The following CEP112 variants were observed in gnomAD, a reference collection of about 807,000 sequenced individuals.
The protein encoded by CEP112 is centrosomal protein of 112 kDa.
A neutral mutation model predicts 153.0 loss-of-function variants in CEP112; 127 were observed. The observed-to-expected ratio is 0.83, with a 90% CI of 0.72 to 0.96. The LOEUF (loss-of-function observed/expected upper bound fraction) is 0.96. Among genes scored for constraint, CEP112 ranks in the 40% least tolerant of loss-of-function variants. The pLI is 0.00. For synonymous variants in CEP112, 358 were observed against 374.4 expected (o/e 0.96, Z 0.51); for missense variants, 1,089 against 1,101.2 (o/e 0.99, Z 0.16).
intron 24 of CEP112, among the ~76,000 whole-genome samples, chr17:65,677,104 T>C (rs537647631): frequency 5.3e-5 from 8 of 152,290 alleles, no homozygotes; most frequent in Non-Finnish European, 8.8e-5. Flanking sequence ...TTCTTATTAA[T>C]AATAAAAAAC....
At chr17:65,916,989 T>C (rs1430128323) in intron 19 of CEP112, among the ~76,000 whole-genome samples, 1 of 152,154 alleles carries the variant, frequency 6.6e-6, no homozygotes, top group South Asian at 2.1e-4. Flanking sequence ...ACCCTTTCTA[T>C]GACTCTAGGC....
chr17:65,640,154 A>ATATATTTTT (rs1300751452), intron 25 of CEP112, among the ~76,000 whole-genome samples: 5 of 78,348 alleles, frequency 6.4e-5, no homozygotes, highest in African/African-American at 3.5e-4. Context: ...ATATATATAT[A>ATATATTTTT]TTTTTTTTTT....
At chr17:65,965,896 T>C (rs1190374204) in intron 17 of CEP112, among the ~76,000 whole-genome samples, 1 of 152,172 alleles carries the variant, frequency 6.6e-6, no homozygotes, top group East Asian at 1.9e-4. Context: ...CCATTTTAAT[T>C]TCTACATGGT....
At chr17:65,958,216 C>G (rs1381444921) in intron 18 of CEP112, among the ~76,000 whole-genome samples, 2 of 152,010 alleles carry the variant, frequency 1.3e-5, no homozygotes. Context: ...CAAATTTTTT[C>G]CAGAAAAATG....
intron 8 of CEP112, among the ~76,000 whole-genome samples, chr17:66,093,870 A>G (rs1392556188): frequency 1.3e-5 from 2 of 152,102 alleles, no homozygotes; most frequent in African/African-American, 4.8e-5. Context: ...TATCCAAGGC[A>G]ATTTTGAGCA....
rs181359962 is a variant in CEP112, at chr17:65,761,859, A to G, written c.2395-11135T>C. Among the ~76,000 whole-genome samples the G allele has an allele frequency of 5.5e-4, 84 of 152,230 alleles. No individual in the cohort carries two copies. In the Middle Eastern group the frequency reaches 0.01, roughly 18 times the overall value. On this transcript the variant is annotated intron_variant, in intron 21 of 26. Transcript: ENST00000535342. ...CCATGTGAGGTTGCAAAGAATGTGT[A>G]TGCCGCTGCTGTTGGATGAAGTAGT...
At chr17:66,142,218 G>T (rs919252870) in intron 4 of CEP112, among the ~76,000 whole-genome samples, 3 of 152,048 alleles carry the variant, frequency 2.0e-5, no homozygotes, top group African/African-American at 7.2e-5. Flanking sequence ...GTTGTTTTGG[G>T]GCAGTTGAGT....
At chr17:66,104,204 C>A (rs559807812) in intron 6 of CEP112, among the ~76,000 whole-genome samples, 1 of 152,214 alleles carries the variant, frequency 6.6e-6, no homozygotes, top group Admixed American at 6.5e-5. Flanking sequence ...GTTTGCAGCT[C>A]TGAGAGAGAC....
rs569251160 is a variant in CEP112, at chr17:65,702,128, G to A, written c.2608-12910C>T. 1.6e-4 allele frequency among the ~76,000 whole-genome samples: 24 copies of A among 151,980 alleles called. 2 individuals are homozygous for A. Among genetic ancestry groups the A allele is most frequent in the African/African-American group, 4.3e-4 (18 of 41,440 alleles). On this transcript the variant is annotated intron_variant, in intron 23 of 26. Transcript: ENST00000535342. ...TGACCTCAGGTGATCTGCCCGCCTC[G>A]GCCTCCCAAAATGCTGGGATTACAG...
At chr17:66,106,502 C>T (rs2068790062) in intron 6 of CEP112, among the ~76,000 whole-genome samples, 1 of 151,818 alleles carries the variant, frequency 6.6e-6, no homozygotes, top group African/African-American at 2.4e-5. Flanking sequence ...TCATTAGACG[C>T]TACTATGAGC....
chr17:65,923,872 T>C (rs1470413653), intron 19 of CEP112, among the ~76,000 whole-genome samples: 1 of 152,204 alleles, frequency 6.6e-6, no homozygotes, highest in Non-Finnish European at 1.5e-5. Context: ...AAGCGCTTTA[T>C]TCCCCTCACC....
chr17:65,742,414 C>A (rs906397644), intron 23 of CEP112, among the ~76,000 whole-genome samples: 6 of 152,036 alleles, frequency 3.9e-5, no homozygotes, highest in Admixed American at 3.9e-4. Context: ...CACATTAAAC[C>A]CAGTATGATG....
Position 65,754,577 on chromosome 17 carries a change from C to T in CEP112, c.2395-3853G>A, listed in dbSNP as rs920026774. ...GAGCTGAGATCGTGCCACTGTGCTG[C>T]AGCCTGGGCAACACAAGCTTCTGTC... On this transcript the variant is annotated intron_variant, in intron 21 of 26. Coordinates refer to ENST00000535342, the MANE Select transcript of CEP112 (RefSeq NM_001199165.4). Among the ~76,000 whole-genome samples the T allele has an allele frequency of 4.0e-5, 6 of 151,784 alleles. No individual in the cohort carries two copies. In the East Asian group the frequency reaches 5.8e-4, roughly 15 times the overall value.
intron 2 of CEP112, among the ~76,000 whole-genome samples, chr17:66,180,460 G>A (rs1030274055): frequency 6.6e-6 from 1 of 151,924 alleles, no homozygotes; most frequent in African/African-American, 2.4e-5. Flanking sequence ...GAGATAAAAT[G>A]CAATCTCTGA....
chr17:65,672,762 C>T (rs2047047849), intron 24 of CEP112, among the ~76,000 whole-genome samples: 1 of 152,078 alleles, frequency 6.6e-6, no homozygotes, highest in Non-Finnish European at 1.5e-5. Flanking sequence ...CATATTGGCA[C>T]AGGAAATCGA....
intron 18 of CEP112, among the ~76,000 whole-genome samples, chr17:65,960,940 C>T (rs1044315625): frequency 1.3e-5 from 2 of 151,828 alleles, no homozygotes; most frequent in Admixed American, 6.6e-5. Context: ...TGCATCTTTG[C>T]GATGGGTACC....
chr17:65,792,497 C>T (rs11651498), intron 21 of CEP112, among the ~76,000 whole-genome samples: 32,628 of 151,650 alleles, frequency 0.22, 3,652 homozygotes, highest in South Asian at 0.27. Context: ...AGTTACATAC[C>T]GATGTCTCTT....
At chr17:65,641,950 G>C (rs186179230) in intron 24 of CEP112, among the ~76,000 whole-genome samples, 1 of 152,166 alleles carries the variant, frequency 6.6e-6, no homozygotes, top group East Asian at 1.9e-4. Context: ...AAATACTATC[G>C]GGCCTGTGTT....
chr17:65,839,184 A>T (rs1370815009), intron 21 of CEP112, among the ~76,000 whole-genome samples: 8 of 152,010 alleles, frequency 5.3e-5, no homozygotes, highest in African/African-American at 1.9e-4. Flanking sequence ...AAACCCGACA[A>T]GGACACACAC....
Sources: allele counts gnomAD v4.1 joint callset (sites outside exome capture counted in the v4.1 genomes callset), GRCh38; gene constraint gnomAD v4.1.1; transcripts MANE v1.5; gene names NCBI Gene and HGNC (gene_info 2026-07-23, HGNC 2026-07-21).